Variants in DYNC1I1 observed in about 807,000 individuals in gnomAD.
The protein encoded by DYNC1I1 is dynein cytoplasmic 1 intermediate chain 1.
In DYNC1I1, 43 loss-of-function variants were observed where a neutral mutation model predicts 86.6. That is an observed-to-expected ratio of 0.50 (90% CI 0.39 to 0.64). DYNC1I1 has a LOEUF of 0.64. DYNC1I1 is among the 30% of genes least tolerant of loss of function. The pLI is 0.00. For missense variants in DYNC1I1, 604 were observed against 788.8 expected, an observed-to-expected ratio of 0.77 and a Z score of 2.81; for synonymous variants, 262 against 283.7, an observed-to-expected ratio of 0.92 and a Z score of 0.77.
intron 14 of DYNC1I1, among the ~76,000 whole-genome samples, chr7:96,040,718 T>TG (rs1384033007): frequency 1.9e-4 from 28 of 145,598 alleles, no homozygotes; most frequent in African/African-American, 6.8e-4. Flanking sequence ...AATGAGTAGT[T>TG]TTTTTTTTTT....
chr7:96,001,965 G>A (rs1265915982), intron 10 of DYNC1I1, among the ~76,000 whole-genome samples: 5 of 152,154 alleles, frequency 3.3e-5, no homozygotes, highest in African/African-American at 4.8e-5. Flanking sequence ...ATAGTCACGT[G>A]GGAAGAAGCT....
rs1454138751 is a variant in DYNC1I1 at position 96,069,105 on chromosome 7, T to C, written c.1510-6952T>C. On this transcript the variant is annotated intron_variant, in intron 14 of 16. Coordinates refer to ENST00000447467, the MANE Select transcript of DYNC1I1 (RefSeq NM_001135556.2). The stretch of plus-strand genomic sequence containing the variant: ...CATCCCTGTACACCCTCCTAATCCT[T>C]AATACCAATGTCCACCTTTTCCCTC... Among the ~76,000 whole-genome samples the C allele has an allele frequency of 2.0e-5, 3 of 152,158 alleles. No homozygotes were observed. In the East Asian group the frequency reaches 5.8e-4, roughly 29 times the overall value.
chr7:96,043,914 T>A (rs977504717), intron 14 of DYNC1I1, among the ~76,000 whole-genome samples: 2 of 152,090 alleles, frequency 1.3e-5, no homozygotes, highest in Non-Finnish European at 2.9e-5. Flanking sequence ...TTCACCATGT[T>A]GGCCAGGCTG....
chr7:96,091,127 C>G (rs1447039482), intron 16 of DYNC1I1, among the ~76,000 whole-genome samples: 1 of 152,078 alleles, frequency 6.6e-6, no homozygotes, highest in Non-Finnish European at 1.5e-5. Context: ...TCAACAATCT[C>G]CTGAATTTGG....
chr7:95,934,380 A>G (rs980790152), intron 6 of DYNC1I1, among the ~76,000 whole-genome samples: 1 of 152,208 alleles, frequency 6.6e-6, no homozygotes, highest in Non-Finnish European at 1.5e-5. Flanking sequence ...AAACATGATC[A>G]ACATATAAGT....
intron 5 of DYNC1I1, among the ~76,000 whole-genome samples, chr7:95,839,036 C>A (rs1789198947): frequency 6.6e-6 from 1 of 151,788 alleles, no homozygotes; most frequent in Non-Finnish European, 1.5e-5. Flanking sequence ...TTCTCTTTTT[C>A]TTTTTATTTT....
chr7:95,800,337 C>G (rs1266246625), intron 1 of DYNC1I1, among the ~76,000 whole-genome samples: 2 of 151,756 alleles, frequency 1.3e-5, no homozygotes, highest in Admixed American at 6.6e-5. Flanking sequence ...CAAAGAAAGA[C>G]AAGGGGTGAA....
intron 6 of DYNC1I1, among the ~76,000 whole-genome samples, chr7:95,907,602 C>T (rs924852234): frequency 2.0e-5 from 3 of 152,122 alleles, no homozygotes; most frequent in Admixed American, 6.5e-5. Context: ...CCCACCCATT[C>T]CACTGCTGAA....
At chr7:95,923,375 G>A (rs1791661402) in intron 6 of DYNC1I1, among the ~76,000 whole-genome samples, 1 of 152,000 alleles carries the variant, frequency 6.6e-6, no homozygotes, top group South Asian at 2.1e-4. Flanking sequence ...TTAAAAAATA[G>A]AGAGACCCCC....
chr7:95,930,862 G>A (rs1453709088), intron 6 of DYNC1I1, among the ~76,000 whole-genome samples: 2 of 152,166 alleles, frequency 1.3e-5, no homozygotes, highest in Non-Finnish European at 2.9e-5. Flanking sequence ...TGCTCCATAA[G>A]CTTTTCAGAG....
At chr7:95,977,427 C>G in intron 6 of DYNC1I1, 85 bp from the exon 7 acceptor site, 16 of 1,262,714 alleles carry the variant, frequency 1.3e-5, no homozygotes, top group Non-Finnish European at 1.8e-5. Flanking sequence ...TGGAACTTTA[C>G]CCTTTACCCC....
intron 16 of DYNC1I1, among the ~76,000 whole-genome samples, chr7:96,088,503 T>G (rs1790748368): frequency 6.6e-6 from 1 of 152,156 alleles, no homozygotes; most frequent in African/African-American, 2.4e-5. Context: ...TAGTGTTAAT[T>G]TTTTTATGGC....
At chr7:96,085,040 C>T (rs149585595) in intron 16 of DYNC1I1, among the ~76,000 whole-genome samples, 124 of 152,242 alleles carry the variant, frequency 8.1e-4, no homozygotes, top group African/African-American at 3.0e-3. Context: ...CCCAGGTAGT[C>T]TTGCCTTCCT....
chr7:95,810,353 G>A (rs1282833948), intron 2 of DYNC1I1, 39 bp from the exon 3 acceptor site: 3 of 1,533,154 alleles, frequency 2.0e-6, no homozygotes, highest in Middle Eastern at 3.5e-4. Context: ...CATACATTTA[G>A]TTATGTTATT....
At chr7:95,913,457 C>T (rs944844001) in intron 6 of DYNC1I1, among the ~76,000 whole-genome samples, 3 of 152,100 alleles carry the variant, frequency 2.0e-5, no homozygotes, top group Non-Finnish European at 2.9e-5. Context: ...AATTGAATCA[C>T]GGGGGCAGGT....
chr7:95,828,361 C>G (rs777869407), intron 5 of DYNC1I1, among the ~76,000 whole-genome samples: 4 of 152,080 alleles, frequency 2.6e-5, no homozygotes, highest in Non-Finnish European at 5.9e-5. Flanking sequence ...AACACTCCCC[C>G]AAACAAAAAT....
At position 95,813,251 on chromosome 7, in the gene DYNC1I1, A is replaced by G. The variant is rs1794870629; in HGVS notation, c.228A>G (p.Pro76=). Residue 76 remains proline, a synonymous_variant, in exon 4 of 17, where the codon CCA becomes CCG. Coordinates refer to ENST00000447467, the MANE Select transcript of DYNC1I1 (RefSeq NM_001135556.2). ...IGISPEPPLV[P]TPMSPSSKSV... ...CCTGTTATTTTCATTATTTAGTCCCAACCCCTATGTCTCCCTCCTCGAAAT... is the reference window on the plus strand; with the variant it reads ...CCTGTTATTTTCATTATTTAGTCCCGACCCCTATGTCTCCCTCCTCGAAAT... 1 of 1,613,110 alleles carries G rather than the reference A, an allele frequency of 6.2e-7. No individual in the cohort carries two copies. Among genetic ancestry groups the G allele is most frequent in the Non-Finnish European group, 8.5e-7 (1 of 1,179,560 alleles).
At chr7:95,887,258 A>G (rs1277007283) in intron 6 of DYNC1I1, among the ~76,000 whole-genome samples, 1 of 152,152 alleles carries the variant, frequency 6.6e-6, no homozygotes, top group South Asian at 2.1e-4. Flanking sequence ...CTCTCCAGGT[A>G]ATTAGAAAGC....
intron 5 of DYNC1I1, among the ~76,000 whole-genome samples, chr7:95,847,697 A>C (rs939082164): frequency 2.6e-5 from 4 of 152,136 alleles, no homozygotes; most frequent in African/African-American, 9.7e-5. Context: ...CTTGCTCTCA[A>C]ATCAAAACTT....
Sources: gnomAD v4.1 joint callset for allele counts (sites outside exome capture counted in the v4.1 genomes callset) on GRCh38, gnomAD v4.1.1 for gene constraint, MANE v1.5 for transcripts, NCBI Gene and HGNC (gene_info 2026-07-23, HGNC 2026-07-21) for gene names.